Variants in CALM2 observed in about 807,000 individuals in gnomAD.
CALM2 encodes calmodulin-2.
CALM2 carries 2 observed loss-of-function variants against 19.8 expected under a neutral mutation model. The ratio of observed to expected loss-of-function variants is 0.10; its 90% CI spans 0.04 to 0.32. The LOEUF is 0.32. Among genes scored for constraint, CALM2 ranks in the 10% least tolerant of loss-of-function variants. CALM2 has a pLI of 1.00. For synonymous variants in CALM2, 51 were observed against 52.1 expected, an observed-to-expected ratio of 0.98 and a Z score of 0.09; for missense variants, 38 against 178.7, an observed-to-expected ratio of 0.21 and a Z score of 4.49.
At chr2:47,176,348 G>A (rs1349672829) in intron 1 of CALM2, 93 bp downstream of exon 1, 18 of 1,476,590 alleles carry the variant, frequency 1.2e-5, no homozygotes, top group Admixed American at 3.5e-5. Flanking sequence ...ACTCCTTGAA[G>A]GTGTAAGGGA....
chr2:47,174,388 G>A (rs542669913), intron 1 of CALM2, among the ~76,000 whole-genome samples: 14 of 152,088 alleles, frequency 9.2e-5, no homozygotes, highest in Non-Finnish European at 1.0e-4. Flanking sequence ...GACTAGCCAG[G>A]ACTACACGCA....
At chr2:47,166,360 A>G (rs1210281150) in intron 2 of CALM2, among the ~76,000 whole-genome samples, 1 of 152,226 alleles carries the variant, frequency 6.6e-6, no homozygotes, top group Non-Finnish European at 1.5e-5. Flanking sequence ...TAAATTCCCA[A>G]TGTTTAATTA....
At chr2:47,172,357 C>T (rs1380308469) in intron 1 of CALM2, 5 of 478,932 alleles carry the variant, frequency 1.0e-5, no homozygotes, top group Non-Finnish European at 2.1e-5. Context: ...TGACCTTGGA[C>T]GTGGTACTCC....
intron 2 of CALM2, among the ~76,000 whole-genome samples, chr2:47,164,955 C>T (rs1010029171): frequency 2.0e-5 from 3 of 152,176 alleles, no homozygotes; most frequent in African/African-American, 7.2e-5. Context: ...CTAATTTGCC[C>T]ATTACCACAT....
chr2:47,165,558 G>C (rs549224783), intron 2 of CALM2, among the ~76,000 whole-genome samples: 2 of 152,248 alleles, frequency 1.3e-5, no homozygotes, highest in Admixed American at 6.5e-5. Flanking sequence ...CTTGGCCTTC[G>C]TAACAGTACT....
chr2:47,161,899 A>C (rs1194898451), intron 4 of CALM2, 41 bp from the exon 5 acceptor site: 1 of 1,538,084 alleles, frequency 6.5e-7, no homozygotes. Flanking sequence ...CAAATTACAG[A>C]CTTGAGAGTT....
At chr2:47,169,267 A>G (rs1666593324) in intron 2 of CALM2, among the ~76,000 whole-genome samples, 1 of 152,180 alleles carries the variant, frequency 6.6e-6, no homozygotes, top group African/African-American at 2.4e-5. Context: ...ACAGCCTGAG[A>G]CAATTTGGGA....
intron 4 of CALM2, 109 bp downstream of exon 4, chr2:47,162,170 TCAAAAAA>T: frequency 6.5e-6 from 1 of 154,364 alleles, no homozygotes; most frequent in Non-Finnish European, 1.1e-5. Context: ...TGGTAAATCA[TCAAAAAA>T]AAAAAAAAAA....
chr2:47,176,575 T>C (rs1036919163), upstream of CALM2: 23 of 1,549,296 alleles, frequency 1.5e-5, no homozygotes, highest in Middle Eastern at 5.2e-4. Context: ...CTCCGCCGCA[T>C]CCAGATAACG....
chr2:47,176,521 C>CCA (rs773669145), upstream of CALM2: 1 of 1,596,496 alleles, frequency 6.3e-7, no homozygotes. Flanking sequence ...TAATTCGCCT[C>CCA]CTCCGCCCCC....
At chr2:47,165,929 C>T (rs773314641) in intron 2 of CALM2, among the ~76,000 whole-genome samples, 5 of 152,230 alleles carry the variant, frequency 3.3e-5, no homozygotes, top group Non-Finnish European at 7.3e-5. Context: ...TCCATCTCTA[C>T]AACCAGTATT....
chr2:47,173,792 A>G (rs1666755494), intron 1 of CALM2: 1 of 152,230 alleles, frequency 6.6e-6, no homozygotes, highest in Non-Finnish European at 1.5e-5. Context: ...TTTTTCTACA[A>G]TTATGGAAGC....
chr2:47,176,474 A>ACC lies in CALM2; in HGVS notation c.-33_-32dup. The stretch of plus-strand genomic sequence containing the variant: ...AAGCGCTACCGGTTTCCGAGACGCG[A>ACC]CCACACAACCACTCAGCTCGCTCTC... On this transcript the variant is annotated 5_prime_UTR_variant, in exon 1 of 6. Coordinates refer to ENST00000272298, the MANE Select transcript of CALM2 (RefSeq NM_001743.6). 2 of 1,613,518 alleles carry ACC rather than the reference A, an allele frequency of 1.2e-6. No individual in the cohort carries two copies. Among genetic ancestry groups the ACC allele is most frequent in the Non-Finnish European group, 1.7e-6 (2 of 1,179,898 alleles).
upstream of CALM2, chr2:47,176,875 C>T: frequency 2.0e-6 from 2 of 985,390 alleles, no homozygotes; most frequent in Non-Finnish European, 2.4e-6. Context: ...GGACTCGCAG[C>T]CGCCGCCGGG....
Position 47,175,081 on chromosome 2 carries a change from G to GT in CALM2, c.3+1359dup, listed in dbSNP as rs563702873. ...TCACAGATCACCGCCCTCATTAGGT[G>GT]TTTTTTTTTTTTTTTTTCAGGAAAG... On this transcript the variant is annotated intron_variant, in intron 1 of 5. Transcript: ENST00000272298. Among the ~76,000 whole-genome samples the GT allele has an allele frequency of 7.4e-4, 58 of 77,942 alleles. 1 individual carries two copies. The highest frequency in any genetic ancestry group is 4.5e-3 in the South Asian group (9 of 2,010). The allele number at this position is 77,942 out of a possible 152,430, so 51.1% of individuals were successfully genotyped here.
intron 2 of CALM2, among the ~76,000 whole-genome samples, chr2:47,170,283 A>C (rs1357872467): frequency 6.6e-6 from 1 of 152,202 alleles, no homozygotes; most frequent in Non-Finnish European, 1.5e-5. Context: ...TCCCTGACTG[A>C]TTATATATGC....
intron 2 of CALM2, among the ~76,000 whole-genome samples, chr2:47,167,298 G>C (rs956079851): frequency 6.6e-6 from 1 of 152,094 alleles, no homozygotes. Context: ...TCTTCCAAAA[G>C]TCAAACAGCA....
chr2:47,170,601 A>G, intron 2 of CALM2, 133 bp downstream of exon 2: 1 of 763,680 alleles, frequency 1.3e-6, no homozygotes, highest in Non-Finnish European at 2.3e-6. Context: ...TTACTGTATT[A>G]TATTATACCC....
intron 2 of CALM2, 114 bp downstream of exon 2, chr2:47,170,620 G>C: frequency 1.2e-6 from 1 of 837,532 alleles, no homozygotes; most frequent in Non-Finnish European, 2.1e-6. Flanking sequence ...CCATATGTTA[G>C]TATCCATGAC....
Sources: allele counts gnomAD v4.1 joint callset (sites outside exome capture counted in the v4.1 genomes callset), GRCh38; gene constraint gnomAD v4.1.1; transcripts MANE v1.5; gene names NCBI Gene and HGNC (gene_info 2026-07-23, HGNC 2026-07-21).